CNIH3: variants seen among roughly 807,000 people sequenced by gnomAD.
CNIH3 encodes the protein cornichon family AMPA receptor auxiliary protein 3.
CNIH3 carries 14 observed loss-of-function variants against 24.1 expected under a neutral mutation model. That is an observed-to-expected ratio of 0.58 (90% CI 0.38 to 0.91). CNIH3 has a LOEUF of 0.91. Among genes scored for constraint, CNIH3 ranks in the 40% least tolerant of loss-of-function variants. The probability of loss-of-function intolerance (pLI) is 0.00; values close to 1 mark genes in which losing one functional copy is unlikely to be tolerated. For missense variants in CNIH3, 178 were observed against 196.8 expected, an observed-to-expected ratio of 0.90 and a Z score of 0.57; for synonymous variants, 68 against 73.8, an observed-to-expected ratio of 0.92 and a Z score of 0.40.
intron 3 of CNIH3, among the ~76,000 whole-genome samples, chr1:224,714,047 T>C (rs1204344801): frequency 6.6e-6 from 1 of 152,154 alleles, no homozygotes; most frequent in Non-Finnish European, 1.5e-5. Flanking sequence ...ACTCCTGGGC[T>C]CAAGTGATCC....
rs377501837 is a variant in CNIH3 at position 224,515,987 on chromosome 1, G to A, written n.15+111G>A. ...TTAGTATTTTCTTCTTGTACCCTCT[G>A]GATTGTGTTTTATGACCCACAAATG... is the stretch of plus-strand genomic sequence containing the variant. On this transcript the variant is annotated intron_variant and non_coding_transcript_variant, in intron 1 of 2. Coordinates refer to the CNIH3 transcript ENST00000470602. 7 of 152,026 alleles carry A rather than the reference G, an allele frequency of 4.6e-5. No homozygotes were observed. The South Asian group carries it at 6.2e-4, about 14-fold the overall frequency. 9.4% of individuals were successfully genotyped at this position (152,026 alleles called of 1,614,324 possible).
At chr1:224,693,015 T>C (rs1163489913) in intron 3 of CNIH3, among the ~76,000 whole-genome samples, 1 of 152,240 alleles carries the variant, frequency 6.6e-6, no homozygotes, top group Non-Finnish European at 1.5e-5. Flanking sequence ...AACTTCTTGG[T>C]AGGGTAGTTC....
intron 1 of CNIH3, among the ~76,000 whole-genome samples, chr1:224,465,111 CT>C (rs547660025): frequency 0.092 from 13,113 of 142,536 alleles, 1,712 homozygotes; most frequent in African/African-American, 0.3. Context: ...TTAGAATTAT[CT>C]TTTTTTTTTT....
At chr1:224,506,371 C>T (rs1677919074) in intron 1 of CNIH3, among the ~76,000 whole-genome samples, 1 of 152,224 alleles carries the variant, frequency 6.6e-6, no homozygotes, top group Non-Finnish European at 1.5e-5. Flanking sequence ...GAAGCTAGCA[C>T]ATTCCGTTTT....
At chr1:224,558,299 G>C (rs1009248044) in intron 3 of CNIH3, among the ~76,000 whole-genome samples, 2 of 152,150 alleles carry the variant, frequency 1.3e-5, no homozygotes, top group African/African-American at 2.4e-5. Flanking sequence ...GGTTCCAAGA[G>C]GACTAGAGCA....
chr1:224,602,725 T>G (rs1682256465), intron 3 of CNIH3, among the ~76,000 whole-genome samples: 1 of 152,194 alleles, frequency 6.6e-6, no homozygotes, highest in Non-Finnish European at 1.5e-5. Context: ...TCAGCCTATA[T>G]AGAGTCTTCA....
chr1:224,637,498 G>C (rs946585469), intron 1 of CNIH3, among the ~76,000 whole-genome samples: 2 of 151,734 alleles, frequency 1.3e-5, no homozygotes, highest in African/African-American at 4.8e-5. Context: ...ACCCTCTCCT[G>C]CCTCAACATA....
intron 1 of CNIH3, among the ~76,000 whole-genome samples, chr1:224,464,341 G>A (rs1159110124): frequency 1.3e-5 from 2 of 151,414 alleles, no homozygotes; most frequent in East Asian, 4.0e-4. Flanking sequence ...ATGTTGCCCA[G>A]GCTGTTCTTA....
At chr1:224,605,925 C>A (rs772679460) in intron 3 of CNIH3, among the ~76,000 whole-genome samples, 2 of 152,210 alleles carry the variant, frequency 1.3e-5, no homozygotes, top group African/African-American at 2.4e-5. Flanking sequence ...TAAATGCTTT[C>A]TTTACTGCAA....
At chr1:224,594,389 C>T (rs1681890491) in intron 3 of CNIH3, among the ~76,000 whole-genome samples, 1 of 152,234 alleles carries the variant, frequency 6.6e-6, no homozygotes, top group Admixed American at 6.5e-5. Context: ...TTATACACAT[C>T]CCCTTTCCAG....
At chr1:224,486,092 A>C (rs2124833603) in intron 1 of CNIH3, among the ~76,000 whole-genome samples, 1 of 151,804 alleles carries the variant, frequency 6.6e-6, no homozygotes, top group South Asian at 2.1e-4. Flanking sequence ...AGGCATCTCA[A>C]ATATTCTTTT....
downstream of CNIH3, among the ~76,000 whole-genome samples, chr1:224,588,969 T>TTTTTTTTTG (rs1025857960): frequency 1.5e-5 from 1 of 65,658 alleles, no homozygotes; most frequent in Non-Finnish European, 2.9e-5. Flanking sequence ...TGACCCCCTG[T>TTTTTTTTTG]TTTTTTTTTT....
intron 3 of CNIH3, among the ~76,000 whole-genome samples, chr1:224,595,879 T>C (rs761684589): frequency 6.6e-6 from 1 of 152,244 alleles, no homozygotes; most frequent in Non-Finnish European, 1.5e-5. Flanking sequence ...TCTTCAATTC[T>C]ATGAGGGCTG....
At chr1:224,448,484 A>G (rs1229714602) in intron 1 of CNIH3, among the ~76,000 whole-genome samples, 5 of 152,206 alleles carry the variant, frequency 3.3e-5, no homozygotes, top group Non-Finnish European at 7.3e-5. Flanking sequence ...CTTAAGAAAC[A>G]TTACATTCAT....
intron 3 of CNIH3, among the ~76,000 whole-genome samples, chr1:224,689,722 C>T (rs1476949512): frequency 6.6e-6 from 1 of 152,340 alleles, no homozygotes; most frequent in Admixed American, 6.5e-5. Flanking sequence ...ACCACCTCCT[C>T]AGCTTTCTTG....
chr1:224,677,401 G>T (rs571916784), intron 1 of CNIH3, among the ~76,000 whole-genome samples: 1 of 152,324 alleles, frequency 6.6e-6, no homozygotes, highest in South Asian at 2.1e-4. Flanking sequence ...TTAGCCCATT[G>T]CCTGTGTCTA....
chr1:224,727,555 G>A (rs776315365), intron 3 of CNIH3, among the ~76,000 whole-genome samples: 1 of 152,218 alleles, frequency 6.6e-6, no homozygotes, highest in Non-Finnish European at 1.5e-5. Context: ...ACCCCTGAGA[G>A]CTGGAAAATG....
intron 3 of CNIH3, among the ~76,000 whole-genome samples, chr1:224,566,031 GT>G (rs11299803): frequency 0.56 from 82,112 of 146,626 alleles, 23,557 homozygotes; most frequent in East Asian, 0.73. Flanking sequence ...CTGGCTTTCT[GT>G]TTTTTTTTTT....
chr1:224,689,861 T>G (rs544350048), intron 3 of CNIH3, among the ~76,000 whole-genome samples: 49 of 152,192 alleles, frequency 3.2e-4, no homozygotes, highest in Non-Finnish European at 5.9e-4. Flanking sequence ...CATTTTTTTG[T>G]GGCAAGAGCC....
Sources: allele counts gnomAD v4.1 joint callset (sites outside exome capture counted in the v4.1 genomes callset), GRCh38; gene constraint gnomAD v4.1.1; transcripts MANE v1.5; gene names NCBI Gene and HGNC (gene_info 2026-07-23, HGNC 2026-07-21).